The following GPC6 variants were observed in gnomAD, a reference collection of about 807,000 sequenced individuals.
GPC6 encodes the protein glypican-6.
In GPC6, 14 loss-of-function variants were observed where a neutral mutation model predicts 55.2. That is an observed-to-expected ratio of 0.25 (90% CI 0.17 to 0.40). The LOEUF (loss-of-function observed/expected upper bound fraction) is 0.40. Among genes scored for constraint, GPC6 ranks in the 10% least tolerant of loss-of-function variants. GPC6 has a pLI of 1.00. For synonymous variants in GPC6, 278 were observed against 259.6 expected (o/e 1.07, Z -0.68); for missense variants, 641 against 708.5 (o/e 0.90, Z 1.08).
At chr13:93,445,103 A>G (rs1877951202) in intron 1 of GPC6, among the ~76,000 whole-genome samples, 1 of 152,198 alleles carries the variant, frequency 6.6e-6, no homozygotes, top group African/African-American at 2.4e-5. Context: ...ATAGTCCTAA[A>G]TGTTATTTCA....
At chr13:94,174,999 C>T (rs954688518) in intron 4 of GPC6, among the ~76,000 whole-genome samples, 1 of 152,114 alleles carries the variant, frequency 6.6e-6, no homozygotes, top group African/African-American at 2.4e-5. Flanking sequence ...TGCCTTGTGT[C>T]TTTCTTGGTG....
chr13:94,286,555 AT>A, intron 5 of GPC6, 76 bp downstream of exon 5: 2 of 561,242 alleles, frequency 3.6e-6, no homozygotes, highest in Non-Finnish European at 5.7e-6. Context: ...AAGTAACTAG[AT>A]ATGTCGGCTG....
Position 94,398,510 on chromosome 13 carries a change from A to C in GPC6, c.1334A>C (p.Asn445Thr), listed in dbSNP as rs781192192. The C allele has an allele frequency of 1.2e-6, 2 of 1,613,932 alleles. No homozygotes were observed. The highest frequency in any genetic ancestry group is 4.5e-5 in the East Asian group (2 of 44,884). ...AATGATGGGCTCACCAACCAGATCA[A>C]CAATCCCGAGGTGGATGTGGACATC... ...IMNDGLTNQI[N>T]NPEVDVDITR... Residue 445 changes from asparagine (N) to threonine (T), a missense_variant, in exon 8 of 9, where the codon AAC becomes ACC. By Grantham distance (65) the Asn-to-Thr change is moderately conservative (BLOSUM62 0). Transcript: ENST00000377047.
chr13:93,523,735 T>C (rs755004301), intron 1 of GPC6, among the ~76,000 whole-genome samples: 1 of 152,046 alleles, frequency 6.6e-6, no homozygotes, highest in Non-Finnish European at 1.5e-5. Context: ...ACTTTTCCAT[T>C]TGTTTGGAAT....
chr13:94,392,257 T>G (rs1880679498), intron 7 of GPC6, among the ~76,000 whole-genome samples: 1 of 151,926 alleles, frequency 6.6e-6, no homozygotes, highest in Non-Finnish European at 1.5e-5. Flanking sequence ...GTTAGCCTGG[T>G]GGTGCTTAGT....
At chr13:93,979,568 C>T (rs746137639) in intron 3 of GPC6, among the ~76,000 whole-genome samples, 3 of 151,808 alleles carry the variant, frequency 2.0e-5, no homozygotes, top group African/African-American at 4.8e-5. Flanking sequence ...AAATTAAGTA[C>T]AGAAATTGAA....
chr13:94,118,540 T>G (rs9589908), intron 4 of GPC6, among the ~76,000 whole-genome samples: 8,548 of 152,160 alleles, frequency 0.056, 821 homozygotes, highest in African/African-American at 0.2. Context: ...TCCCAAATCA[T>G]TTCATGTGAA....
chr13:93,655,501 C>G (rs992049300), intron 2 of GPC6, among the ~76,000 whole-genome samples: 1 of 152,074 alleles, frequency 6.6e-6, no homozygotes, highest in African/African-American at 2.4e-5. Flanking sequence ...GGTGGAATGT[C>G]AGTGAATGAT....
chr13:93,750,083 G>C (rs577208584), intron 2 of GPC6, among the ~76,000 whole-genome samples: 1 of 152,284 alleles, frequency 6.6e-6, no homozygotes, highest in Non-Finnish European at 1.5e-5. Context: ...TTAGGGGAGA[G>C]AAAACTGTAT....
chr13:93,462,254 CAT>C (rs1878718944), intron 1 of GPC6, among the ~76,000 whole-genome samples: 2 of 152,210 alleles, frequency 1.3e-5, no homozygotes, highest in Non-Finnish European at 2.9e-5. Context: ...TTTCAGAACT[CAT>C]AGAGTATATA....
At chr13:93,410,601 G>C (rs569277896) in intron 1 of GPC6, among the ~76,000 whole-genome samples, 3 of 152,214 alleles carry the variant, frequency 2.0e-5, no homozygotes, top group South Asian at 4.2e-4. Context: ...AATTTATTAC[G>C]ACAAGTCAAT....
At chr13:93,862,663 A>G (rs543037955) in intron 3 of GPC6, among the ~76,000 whole-genome samples, 1 of 151,840 alleles carries the variant, frequency 6.6e-6, no homozygotes, top group South Asian at 2.1e-4. Context: ...GCAAGCCTAA[A>G]TATATTGGAC....
chr13:94,249,551 C>T (rs1422601723), intron 4 of GPC6, among the ~76,000 whole-genome samples: 1 of 152,078 alleles, frequency 6.6e-6, no homozygotes, highest in East Asian at 1.9e-4. Context: ...TTTCATCTAA[C>T]CATCACAAAA....
At chr13:93,867,772 T>G (rs991432) in intron 3 of GPC6, among the ~76,000 whole-genome samples, 1 of 151,488 alleles carries the variant, frequency 6.6e-6, no homozygotes, top group Non-Finnish European at 1.5e-5. Context: ...CAACTTTTAG[T>G]GTACACTCAC....
chr13:94,245,483 T>C (rs1315297703), intron 4 of GPC6, among the ~76,000 whole-genome samples: 1 of 152,002 alleles, frequency 6.6e-6, no homozygotes, highest in Non-Finnish European at 1.5e-5. Flanking sequence ...GGCAGGAGGA[T>C]TGCCAGAGCC....
intron 2 of GPC6, among the ~76,000 whole-genome samples, chr13:93,797,730 G>T (rs1594466028): frequency 6.6e-6 from 1 of 152,114 alleles, no homozygotes; most frequent in East Asian, 1.9e-4. Context: ...AATATAATAG[G>T]CCAGACAGAC....
chr13:93,290,377 C>G (rs1878277543), intron 1 of GPC6, among the ~76,000 whole-genome samples: 1 of 152,074 alleles, frequency 6.6e-6, no homozygotes, highest in African/African-American at 2.4e-5. Flanking sequence ...ATAATATGCA[C>G]TATACAACTA....
intron 3 of GPC6, among the ~76,000 whole-genome samples, chr13:93,984,670 C>G (rs1441315464): frequency 6.6e-6 from 1 of 152,064 alleles, no homozygotes; most frequent in East Asian, 1.9e-4. Flanking sequence ...AAAGAATCTT[C>G]AAAGAGAATT....
chr13:93,988,347 A>G lies in GPC6; in HGVS notation c.712-39382A>G, dbSNP rs75649396. Among the ~76,000 whole-genome samples, 524 of 152,242 alleles carry G rather than the reference A, an allele frequency of 3.4e-3. 3 individuals carry two copies. The highest frequency in any genetic ancestry group is 0.012 in the African/African-American group (505 of 41,550). ...TTGCTATCCCCAGACCCTTTGTGCC[A>G]GCCACATGCCAGCCTTAGTAATGAA... On this transcript the variant is annotated intron_variant, in intron 3 of 8. Coordinates refer to ENST00000377047, the MANE Select transcript of GPC6 (RefSeq NM_005708.5).
Sources: gnomAD v4.1 joint callset for allele counts (sites outside exome capture counted in the v4.1 genomes callset) on GRCh38, gnomAD v4.1.1 for gene constraint, MANE v1.5 for transcripts, NCBI Gene and HGNC (gene_info 2026-07-23, HGNC 2026-07-21) for gene names.